The following GLS variants were observed in gnomAD, a reference collection of about 807,000 sequenced individuals.
GLS encodes glutaminase kidney isoform, mitochondrial.
A neutral mutation model predicts 86.7 loss-of-function variants in GLS; 36 were observed. That is an observed-to-expected ratio of 0.42 (90% CI 0.32 to 0.55). GLS has a LOEUF of 0.55. Ranked by LOEUF, GLS falls within the 20% of genes least tolerant of loss-of-function variation. GLS has a pLI of 0.17. For missense variants in GLS, 528 were observed against 833.4 expected (o/e 0.63, Z 4.51); for synonymous variants, 317 against 305.9 (o/e 1.04, Z -0.38).
intron 5 of GLS, among the ~76,000 whole-genome samples, chr2:190,902,489 CAT>C (rs1197729418): frequency 1.3e-5 from 2 of 152,238 alleles, no homozygotes; most frequent in East Asian, 1.9e-4. Context: ...AGTTGCAAAA[CAT>C]GTAGGATTTC....
At chr2:190,923,158 T>TTTTCAAACTG (rs1196571312) in intron 9 of GLS, among the ~76,000 whole-genome samples, 1 of 152,222 alleles carries the variant, frequency 6.6e-6, no homozygotes, top group Non-Finnish European at 1.5e-5. Flanking sequence ...TTTTTCCCCT[T>TTTTCAAACTG]TTTCAAACTG....
At chr2:190,959,588 T>C (rs1690950883) in intron 17 of GLS, among the ~76,000 whole-genome samples, 2 of 152,024 alleles carry the variant, frequency 1.3e-5, no homozygotes, top group South Asian at 4.1e-4. Flanking sequence ...CAACCCAGGG[T>C]AGACAAGACA....
rs775637177 is a variant in GLS, at chr2:190,881,312, T to C, written c.228T>C (p.Pro76=). 4.0e-5 allele frequency: 61 copies of C among 1,511,524 alleles called. No homozygotes were observed. Among genetic ancestry groups the C allele is most frequent in the Non-Finnish European group, 5.0e-5 (56 of 1,130,456 alleles). 93.6% of individuals were successfully genotyped at this position (1,511,524 alleles called of 1,614,324 possible). The change falls in exon 1 of 18, where the codon CCT becomes CCC. Residue 76 remains proline (P), a synonymous_variant. Transcript: ENST00000320717. ...EPLARGLSSS[P]SEILQELGKG... is the part of the protein sequence containing the mutation. ...TCGCGCGGGGCCTGTCCAGCTCTCCTTCGGAGATCTTGCAGGAGCTGGGCA... is the reference window on the plus strand; with the variant it reads ...TCGCGCGGGGCCTGTCCAGCTCTCCCTCGGAGATCTTGCAGGAGCTGGGCA...
rs1371471241 is a variant in GLS at position 190,953,315 on chromosome 2, G to A, written c.1651-250G>A. 1.3e-5 allele frequency among the ~76,000 whole-genome samples: 2 copies of A among 152,198 alleles called. No individual in the cohort carries two copies. Among genetic ancestry groups the A allele is most frequent in the Non-Finnish European group, 2.9e-5 (2 of 68,028 alleles). On this transcript the variant is annotated intron_variant, in intron 14 of 17. Coordinates refer to ENST00000320717, the MANE Select transcript of GLS (RefSeq NM_014905.5). This position sits in a 1 kb window ranked among gnomAD's most constrained non-coding sequence, Gnocchi z 4.0. Reference sequence around the variant, plus strand: ...ACAAAATTCCATTCTCTTCTGCCAAGTGATATTATTCCATTCCTTCCCTTG... The same window carrying A: ...ACAAAATTCCATTCTCTTCTGCCAAATGATATTATTCCATTCCTTCCCTTG...
At chr2:190,950,753 C>G (rs1032350680) in intron 14 of GLS, among the ~76,000 whole-genome samples, 2 of 152,220 alleles carry the variant, frequency 1.3e-5, no homozygotes, top group African/African-American at 4.8e-5. Context: ...TGCAGCAGCA[C>G]TGGATGACTC....
intron 12 of GLS, chr2:190,927,717 A>G (rs1689945586): frequency 2.6e-6 from 1 of 385,272 alleles, no homozygotes; most frequent in East Asian, 5.1e-5. Context: ...TTTTAAGGCA[A>G]TCCAGTGTAC....
At position 190,954,860 on chromosome 2, in the gene GLS, T is replaced by C. The variant is rs1211774197; in HGVS notation, c.1853+42T>C. ...CCTTCTAAATATGTCAGTATTTTAT[T>C]ATGCAGGACTGTAATATTCAAGTGA... On this transcript the variant is annotated intron_variant, in intron 17 of 17. Transcript: ENST00000320717. This position sits in a 1 kb window ranked among gnomAD's most constrained non-coding sequence, Gnocchi z 4.0. 5 of 1,241,634 alleles carry C rather than the reference T, an allele frequency of 4.0e-6. No individual in the cohort carries two copies. The highest frequency in any genetic ancestry group is 5.8e-6 in the Non-Finnish European group (5 of 864,450). 76.9% of individuals were successfully genotyped at this position (1,241,634 alleles called of 1,614,324 possible).
chr2:190,880,902 AG>A lies in GLS; in HGVS notation c.-182del, dbSNP rs1559309511. 5 of 904,110 alleles carry A rather than the reference AG, an allele frequency of 5.5e-6. No individual in the cohort carries two copies. The highest frequency in any genetic ancestry group is 3.1e-5 in the East Asian group (1 of 32,300). The allele number at this position is 904,110 out of a possible 1,614,324, so 56.0% of individuals were successfully genotyped here. On this transcript the variant is annotated 5_prime_UTR_variant, in exon 1 of 18. Transcript: ENST00000320717. Reference sequence around the variant, plus strand: ...CAGCAGCAGCAGCAGCAGCAGCAGCAGCAGCAGCAGCAGCAGCACCCGCATC... The same window carrying A: ...CAGCAGCAGCAGCAGCAGCAGCAGCACAGCAGCAGCAGCAGCACCCGCATC...
Position 190,881,692 on chromosome 2 carries a change from C to T in GLS, c.386+222C>T, listed in dbSNP as rs948632607. 1.1e-5 allele frequency: 5 copies of T among 455,414 alleles called. No homozygotes were observed. The Admixed American group carries it at 2.3e-4, about 21-fold the overall frequency. 28.2% of individuals were successfully genotyped at this position (455,414 alleles called of 1,614,324 possible). On this transcript the variant is annotated intron_variant, in intron 1 of 17. Coordinates refer to ENST00000320717, the MANE Select transcript of GLS (RefSeq NM_014905.5). Reference sequence around the variant, plus strand: ...GCCAGGCACCCACTTCCCTTCTCCGCCCCCGGCGGGGGTCGCCCTGGTGGG... The same window carrying T: ...GCCAGGCACCCACTTCCCTTCTCCGTCCCCGGCGGGGGTCGCCCTGGTGGG...
Position 190,963,093 on chromosome 2 carries a change from C to A in GLS, c.*107C>A, listed in dbSNP as rs1691041877. On this transcript the variant is annotated 3_prime_UTR_variant, in exon 18 of 18. Transcript: ENST00000320717. ...GTAGTGATGTATATTTTACATTTGT[C>A]ATTTCAGTGTTACTGGAGTTTTCTT... is the stretch of plus-strand genomic sequence containing the variant. 2.5e-6 allele frequency: 2 copies of A among 786,622 alleles called. No individual in the cohort carries two copies. The highest frequency in any genetic ancestry group is 1.8e-5 in the African/African-American group (1 of 56,612). The allele number at this position is 786,622 out of a possible 1,614,324, so 48.7% of individuals were successfully genotyped here. A position where few individuals can be genotyped will look rare whatever the true frequency, so the allele number is the denominator to read the frequency against.
In GLS at chr2:190,954,489, T is replaced by G; in HGVS notation, c.1713-95T>G. On this transcript the variant is annotated intron_variant, in intron 15 of 17. Coordinates refer to ENST00000320717, the MANE Select transcript of GLS (RefSeq NM_014905.5). This position sits in a 1 kb window ranked among gnomAD's most constrained non-coding sequence, Gnocchi z 4.0. ...AATGAGCTTGATGAAGGATGGCACC[T>G]GACAGGGCCTTAAATGAACTGATGG... 1.3e-6 allele frequency: 1 copy of G among 771,452 alleles called. No homozygotes were observed. The highest frequency in any genetic ancestry group is 2.1e-6 in the Non-Finnish European group (1 of 465,370). The allele number at this position is 771,452 out of a possible 1,614,324, so 47.8% of individuals were successfully genotyped here. A position where few individuals can be genotyped will look rare whatever the true frequency, so the allele number is the denominator to read the frequency against.
At position 190,881,292 on chromosome 2, in the gene GLS, C is replaced by A; in HGVS notation, c.208C>A (p.Arg70=). The A allele has an allele frequency of 7.1e-7, 1 of 1,399,378 alleles. No homozygotes were observed. Among genetic ancestry groups the A allele is most frequent in the Non-Finnish European group, 9.3e-7 (1 of 1,071,120 alleles). The allele number at this position is 1,399,378 out of a possible 1,614,324, so 86.7% of individuals were successfully genotyped here. The change falls in exon 1 of 18, where the codon CGG becomes AGG. Residue 70 remains arginine, a synonymous_variant. Coordinates refer to ENST00000320717, the MANE Select transcript of GLS (RefSeq NM_014905.5). ...CGGCTGGCCGGCGGAGCCCCTCGCG[C>A]GGGGCCTGTCCAGCTCTCCTTCGGA... The part of the protein sequence containing the change: ...GGGWPAEPLA[R]GLSSSPSEIL...
chr2:190,925,001 T>C (rs958338641), intron 11 of GLS, among the ~76,000 whole-genome samples: 6 of 152,220 alleles, frequency 3.9e-5, no homozygotes, highest in Non-Finnish European at 7.3e-5. Flanking sequence ...ACATTTTCCA[T>C]TGACTTTCAA....
At chr2:190,918,612 A>G (rs949687817) in intron 7 of GLS, among the ~76,000 whole-genome samples, 2 of 152,138 alleles carry the variant, frequency 1.3e-5, no homozygotes, top group African/African-American at 2.4e-5. Context: ...ATTTCCTTCA[A>G]GAACTTCAAG....
rs1690869331 is a variant in GLS at position 190,956,702 on chromosome 2, C to T, written c.1853+1884C>T. Among the ~76,000 whole-genome samples, 1 of 152,110 alleles carries T rather than the reference C, an allele frequency of 6.6e-6. No individual in the cohort carries two copies. The highest frequency in any genetic ancestry group is 1.9e-4 in the East Asian group (1 of 5,202). On this transcript the variant is annotated intron_variant, in intron 17 of 17. Coordinates refer to ENST00000320717, the MANE Select transcript of GLS (RefSeq NM_014905.5). The surrounding 1 kb of genome is among the most constrained non-coding windows in gnomAD (Gnocchi z 4.2). ...TATAAATTACTTTGGGTTGTATGGC[C>T]ATTTTCATGATATTGATTCTTTCTA...
Position 190,953,684 on chromosome 2 carries a change from G to T in GLS, c.1712+58G>T. ...ACAGATATTTATGAAGTTGCTTCTG[G>T]GCGAGCAGCCATTTTAAGGTTAAAG... On this transcript the variant is annotated intron_variant, in intron 15 of 17. Coordinates refer to ENST00000320717, the MANE Select transcript of GLS (RefSeq NM_014905.5). The surrounding 1 kb of genome is among the most constrained non-coding windows in gnomAD (Gnocchi z 4.0). The T allele has an allele frequency of 2.6e-6, 3 of 1,160,456 alleles. No individual in the cohort carries two copies. Among genetic ancestry groups the T allele is most frequent in the South Asian group, 2.6e-5 (2 of 76,852 alleles). The allele number at this position is 1,160,456 out of a possible 1,614,324, so 71.9% of individuals were successfully genotyped here. A position where few individuals can be genotyped will look rare whatever the true frequency, so the allele number is the denominator to read the frequency against.
rs563586308 is a variant in GLS, at chr2:190,885,287, G to C, written c.386+3817G>C. 2.2e-3 allele frequency among the ~76,000 whole-genome samples: 331 copies of C among 152,088 alleles called. 2 individuals are homozygous for C. Among genetic ancestry groups the C allele is most frequent in the African/African-American group, 7.8e-3 (323 of 41,476 alleles). ...GTTCACTGCAACCTCTGCCTCCCGG[G>C]TTCAAGCCATTCTCCTGCCTCAGCC... On this transcript the variant is annotated intron_variant, in intron 1 of 17. Transcript: ENST00000320717.
At chr2:190,923,038 C>T (rs4853530) in intron 9 of GLS, among the ~76,000 whole-genome samples, 20,672 of 152,122 alleles carry the variant, frequency 0.14, 1,881 homozygotes, top group Admixed American at 0.3. Context: ...GATTATCCAA[C>T]TACTTGCATA....
At position 190,924,480 on chromosome 2, in the gene GLS, AT is replaced by A; in HGVS notation, c.1198-60del. On this transcript the variant is annotated intron_variant, in intron 10 of 17. Transcript: ENST00000320717. The surrounding 1 kb of genome is among the most constrained non-coding windows in gnomAD (Gnocchi z 5.2). ...TGTGTACATTTGAAATTTTTCATAT[AT>A]TTCTCTACTTATGTGCATTCCTGTG... 1.2e-6 allele frequency: 1 copy of A among 832,852 alleles called. No individual in the cohort carries two copies. Among genetic ancestry groups the A allele is most frequent in the Non-Finnish European group, 2.1e-6 (1 of 474,124 alleles). The allele number at this position is 832,852 out of a possible 1,614,324, so 51.6% of individuals were successfully genotyped here.
Sources: allele counts gnomAD v4.1 joint callset (sites outside exome capture counted in the v4.1 genomes callset), GRCh38; gene constraint gnomAD v4.1.1; non-coding constraint Gnocchi (gnomAD v3.1); transcripts MANE v1.5; gene names NCBI Gene and HGNC (gene_info 2026-07-23, HGNC 2026-07-21).